Variants in ADAMTS14 observed in about 807,000 individuals in gnomAD.
The protein encoded by ADAMTS14 is ADAM metallopeptidase with thrombospondin type 1 motif 14, also known as A disintegrin and metalloproteinase with thrombospondin motifs 14.
In ADAMTS14, 100 loss-of-function variants were observed where a neutral mutation model predicts 128.6. The observed-to-expected ratio is 0.78, with a 90% confidence interval of 0.66 to 0.92. The LOEUF is 0.92. Among genes scored for constraint, ADAMTS14 ranks in the 40% least tolerant of loss-of-function variants. The pLI is 0.00. For missense variants in ADAMTS14, 1,562 were observed against 1,658.6 expected, an observed-to-expected ratio of 0.94 and a Z score of 1.01; for synonymous variants, 665 against 653.8, an observed-to-expected ratio of 1.02 and a Z score of -0.26.
intron 4 of ADAMTS14, among the ~76,000 whole-genome samples, chr10:70,713,091 T>G (rs1840911807): frequency 6.6e-6 from 1 of 152,194 alleles, no homozygotes; most frequent in Admixed American, 6.5e-5. Flanking sequence ...TCTGCTCCAT[T>G]CTTTCTCTCA....
At chr10:70,710,480 C>T (rs149373361) in intron 4 of ADAMTS14, among the ~76,000 whole-genome samples, 224 of 152,244 alleles carry the variant, frequency 1.5e-3, no homozygotes, top group African/African-American at 4.8e-3. Flanking sequence ...TCATACAGAC[C>T]GAAAGATGAC....
rs1188502803 is a variant in ADAMTS14 at position 70,708,754 on chromosome 10, C to A, written c.846C>A (p.Asn282Lys). The A allele has an allele frequency of 6.7e-7, 1 of 1,482,100 alleles. No individual in the cohort carries two copies. Among genetic ancestry groups the A allele is most frequent in the Non-Finnish European group, 9.1e-7 (1 of 1,095,272 alleles). 91.8% of individuals were successfully genotyped at this position (1,482,100 alleles called of 1,614,324 possible). ...TCCATGGCAAGGAGCATGTGCAGAA[C>A]TATGTCCTCACCCTCATGAATATCG... ...VRFHGKEHVQ[N>K]YVLTLMNIVD... Residue 282 changes from asparagine (N) to lysine (K), a missense_variant, in exon 4 of 22, where the codon AAC becomes AAA. Coordinates refer to ENST00000373207, the MANE Select transcript of ADAMTS14 (RefSeq NM_080722.4).
In ADAMTS14 at chr10:70,672,849, G is replaced by C; in HGVS notation, c.47G>C (p.Cys16Ser). The change falls in exon 1 of 22, where the codon TGT (cysteine) becomes TCT (serine). Residue 16 changes from cysteine (C) to serine (S), a missense_variant. Cys to Ser is a moderately radical substitution (Grantham distance 112). Coordinates refer to ENST00000373207, the MANE Select transcript of ADAMTS14 (RefSeq NM_080722.4). ...CTGTCCTACCTGCTGCCTTTGCACT[G>C]TGCGCTCTGCGCCGCCGCGGGCAGC... Reference protein sequence around the residue: ...ALLSYLLPLHCALCAAAGSRT... With the variant: ...ALLSYLLPLHSALCAAAGSRT... 2.0e-6 allele frequency: 3 copies of C among 1,509,986 alleles called. No individual in the cohort carries two copies. Among genetic ancestry groups the C allele is most frequent in the Non-Finnish European group, 2.6e-6 (3 of 1,134,314 alleles). 93.5% of individuals were successfully genotyped at this position (1,509,986 alleles called of 1,614,324 possible).
chr10:70,679,857 A>G lies in ADAMTS14; in HGVS notation c.522+4862A>G, dbSNP rs373131905. On this transcript the variant is annotated intron_variant, in intron 2 of 21. Transcript: ENST00000373207. ...CTTTGGGAGGGGCAGGGGAGGCTGC[A>G]TCCCAGCCCAGCTGCTCACCACTGA... is the stretch of plus-strand genomic sequence containing the variant. Among the ~76,000 whole-genome samples the G allele has an allele frequency of 6.5e-4, 99 of 152,236 alleles. 2 individuals are homozygous for G. The South Asian group carries it at 0.02, about 30-fold the overall frequency.
intron 21 of ADAMTS14, 93 bp from the exon 22 acceptor site, chr10:70,760,267 G>A (rs1422011867): frequency 3.4e-6 from 5 of 1,470,844 alleles, no homozygotes; most frequent in Non-Finnish European, 4.5e-6. Flanking sequence ...GGGGTGGAGG[G>A]CGGGCAGTCA....
At chr10:70,715,566 T>C (rs1841012292) in intron 4 of ADAMTS14, among the ~76,000 whole-genome samples, 1 of 151,922 alleles carries the variant, frequency 6.6e-6, no homozygotes, top group Non-Finnish European at 1.5e-5. Flanking sequence ...GGAAAAACAA[T>C]GAAACCCACT....
At chr10:70,750,736 C>T (rs1842325710) in intron 16 of ADAMTS14, among the ~76,000 whole-genome samples, 1 of 152,196 alleles carries the variant, frequency 6.6e-6, no homozygotes, top group South Asian at 2.1e-4. Context: ...GTACCAAGGC[C>T]ATTCAATGGG....
chr10:70,750,123 G>A, intron 16 of ADAMTS14, 138 bp downstream of exon 16: 1 of 1,124,250 alleles, frequency 8.9e-7, no homozygotes. Flanking sequence ...CTTCCATCCT[G>A]GGATTAGCTC....
chr10:70,732,983 C>G (rs1841696869), intron 7 of ADAMTS14, among the ~76,000 whole-genome samples: 1 of 152,182 alleles, frequency 6.6e-6, no homozygotes, highest in Non-Finnish European at 1.5e-5. Context: ...GACAGAGAAG[C>G]CCTCAAGAGG....
intron 2 of ADAMTS14, among the ~76,000 whole-genome samples, chr10:70,678,432 G>A (rs117713938): frequency 0.011 from 1,698 of 151,946 alleles, 23 homozygotes; most frequent in Admixed American, 0.035. Flanking sequence ...CAGAGAAGGT[G>A]ACATTTGAAC....
At position 70,745,316 on chromosome 10, in the gene ADAMTS14, G is replaced by A; in HGVS notation, c.2263+10G>A. 1 of 1,612,180 alleles carries A rather than the reference G, an allele frequency of 6.2e-7. No individual in the cohort carries two copies. Among genetic ancestry groups the A allele is most frequent in the East Asian group, 2.2e-5 (1 of 44,862 alleles). ...TCCCCCCACCGCATTGGTGAGTGCT[G>A]GGGTGCTGGGAGGGGACAGCAGGGC... On this transcript the variant is annotated intron_variant, in intron 15 of 21. Transcript: ENST00000373207.
At chr10:70,725,808 C>A (rs1182385160) in intron 4 of ADAMTS14, among the ~76,000 whole-genome samples, 3 of 152,172 alleles carry the variant, frequency 2.0e-5, no homozygotes, top group South Asian at 2.1e-4. Context: ...GGTGGCCCCA[C>A]GTGGCTCATG....
At position 70,674,824 on chromosome 10, in the gene ADAMTS14, G is replaced by A. The variant is rs149675451; in HGVS notation, c.351G>A (p.Leu117=). Residue 117 remains leucine, a synonymous_variant, in exon 2 of 22, where the codon CTG becomes CTA. Transcript: ENST00000373207. ...YFNVTVFGKE[L]HLRLRPNRRL... ...ATGTCACTGTTTTCGGGAAGGAACT[G>A]CACTTGCGCCTGCGGCCCAATCGGA... is the stretch of plus-strand genomic sequence containing the variant. The A allele has an allele frequency of 6.8e-4, 1,095 of 1,613,934 alleles. 7 individuals are homozygous for A. The African/African-American group carries it at 0.012, about 18-fold the overall frequency.
At chr10:70,739,314 A>G (rs1841924050) in intron 11 of ADAMTS14, among the ~76,000 whole-genome samples, 1 of 152,108 alleles carries the variant, frequency 6.6e-6, no homozygotes, top group African/African-American at 2.4e-5. Flanking sequence ...CTCTGGCTAA[A>G]CTTTGAGAAA....
At chr10:70,726,232 C>T (rs191633810) in intron 4 of ADAMTS14, among the ~76,000 whole-genome samples, 4 of 152,340 alleles carry the variant, frequency 2.6e-5, no homozygotes, top group Admixed American at 1.3e-4. Context: ...ACTGTAAGGA[C>T]CTCTCAATGT....
intron 2 of ADAMTS14, among the ~76,000 whole-genome samples, chr10:70,697,400 T>C (rs1294097906): frequency 6.6e-6 from 1 of 152,216 alleles, no homozygotes; most frequent in East Asian, 1.9e-4. Flanking sequence ...GCCAGGTCCT[T>C]GCTCATTGTC....
intron 10 of ADAMTS14, among the ~76,000 whole-genome samples, chr10:70,738,381 C>A (rs1305045424): frequency 2.0e-5 from 3 of 152,148 alleles, no homozygotes; most frequent in Admixed American, 2.0e-4. Context: ...GCATACACTC[C>A]TTCCACTGCA....
At chr10:70,716,094 C>T (rs1841030260) in intron 4 of ADAMTS14, among the ~76,000 whole-genome samples, 1 of 152,204 alleles carries the variant, frequency 6.6e-6, no homozygotes, top group South Asian at 2.1e-4. Flanking sequence ...AAGACTGGGC[C>T]CCGAGGGCCT....
chr10:70,722,305 C>T (rs542200166), intron 4 of ADAMTS14, among the ~76,000 whole-genome samples: 6 of 152,264 alleles, frequency 3.9e-5, no homozygotes, highest in South Asian at 2.1e-4. Context: ...ATGTTGCTGT[C>T]GTCTCCCTAG....
Sources: gnomAD v4.1 joint callset for allele counts (sites outside exome capture counted in the v4.1 genomes callset) on GRCh38, gnomAD v4.1.1 for gene constraint, MANE v1.5 for transcripts, NCBI Gene and HGNC (gene_info 2026-07-23, HGNC 2026-07-21) for gene names.